Variants in LPIN1 observed in about 807,000 individuals in gnomAD.
LPIN1 encodes lipin 1.
A neutral mutation model predicts 107.5 loss-of-function variants in LPIN1; 71 were observed. That is an observed-to-expected ratio of 0.66 (90% CI 0.55 to 0.80). The LOEUF (loss-of-function observed/expected upper bound fraction) is 0.80. Ranked by LOEUF, LPIN1 falls within the 30% of genes least tolerant of loss-of-function variation. LPIN1 has a pLI of 0.00. For synonymous variants in LPIN1, 445 were observed against 452.6 expected (o/e 0.98, Z 0.21); for missense variants, 1,043 against 1,160.6 (o/e 0.90, Z 1.47).
rs148741595 is a variant in LPIN1, at chr2:11,826,724, G to T, written c.*1933G>T. 2.0e-4 allele frequency: 30 copies of T among 152,302 alleles called. No individual in the cohort carries two copies. Among genetic ancestry groups the T allele is most frequent in the African/African-American group, 7.0e-4 (29 of 41,550 alleles). 9.4% of individuals were successfully genotyped at this position (152,302 alleles called of 1,614,324 possible). ...CAGGAGGAACTTTGGCTGCGAGAATGGGGGGATGTATCCCTCATGCAGTTG... is the reference window on the plus strand; with the variant it reads ...CAGGAGGAACTTTGGCTGCGAGAATTGGGGGATGTATCCCTCATGCAGTTG... On this transcript the variant is annotated 3_prime_UTR_variant, in exon 21 of 21. Coordinates refer to ENST00000674199, the MANE Select transcript of LPIN1 (RefSeq NM_001349206.2).
chr2:11,825,927 CCTT>C lies in LPIN1; in HGVS notation c.*1140_*1142del, dbSNP rs1558328544. ...TTATTCTCTCTTTCTCATAGACTGA[CCTT>C]CTTTTGGAATTTCTGAGTCATTTAT... On this transcript the variant is annotated 3_prime_UTR_variant, in exon 21 of 21. Coordinates refer to ENST00000674199, the MANE Select transcript of LPIN1 (RefSeq NM_001349206.2). This position sits in a 1 kb window ranked among gnomAD's most constrained non-coding sequence, Gnocchi z 4.1. The C allele has an allele frequency of 1.3e-5, 2 of 152,162 alleles. No individual in the cohort carries two copies. The highest frequency in any genetic ancestry group is 4.8e-5 in the African/African-American group (2 of 41,442). 9.4% of individuals were successfully genotyped at this position (152,162 alleles called of 1,614,324 possible). A position where few individuals can be genotyped will look rare whatever the true frequency, so the allele number is the denominator to read the frequency against.
intron 1 of LPIN1, among the ~76,000 whole-genome samples, chr2:11,679,288 C>T (rs1233412548): frequency 3.9e-5 from 6 of 152,188 alleles, no homozygotes; most frequent in Admixed American, 2.0e-4. Flanking sequence ...GAACCCAGGC[C>T]TCCTGGGGCC....
At chr2:11,788,952 G>C (rs1345810458) in intron 12 of LPIN1, among the ~76,000 whole-genome samples, 1 of 152,208 alleles carries the variant, frequency 6.6e-6, no homozygotes, top group East Asian at 1.9e-4. Context: ...GTCTGCAGGG[G>C]AGAGTAGGTA....
intron 1 of LPIN1, chr2:11,682,515 C>T (rs1661773782): frequency 6.6e-6 from 1 of 152,474 alleles, no homozygotes. Flanking sequence ...GTTCAAATGC[C>T]TCCATCTCCA....
chr2:11,765,570 A>G lies in LPIN1; in HGVS notation c.29A>G (p.Gln10Arg). 1.2e-6 allele frequency: 2 copies of G among 1,614,048 alleles called. No individual in the cohort carries two copies. The highest frequency in any genetic ancestry group is 1.7e-6 in the Non-Finnish European group (2 of 1,179,940). Reference sequence around the variant, plus strand: ...AATTACGTGGGGCAGTTAGCCGGCCAGGTGTTTGTCACCGTGAAGGAGCTC... The same window carrying G: ...AATTACGTGGGGCAGTTAGCCGGCCGGGTGTTTGTCACCGTGAAGGAGCTC... MNYVGQLAG[Q>R]VFVTVKELYK... is the part of the protein sequence containing the mutation. Residue 10 changes from glutamine (Q) to arginine (R), a missense_variant, in exon 2 of 21, where the codon CAG (glutamine) becomes CGG (arginine). Gln to Arg is a conservative substitution (Grantham distance 43). Transcript: ENST00000674199. The surrounding 1 kb of genome is among the most constrained non-coding windows in gnomAD (Gnocchi z 4.4).
At chr2:11,783,163 A>G (rs1673860474) in intron 8 of LPIN1, among the ~76,000 whole-genome samples, 1 of 152,170 alleles carries the variant, frequency 6.6e-6, no homozygotes, top group South Asian at 2.1e-4. Context: ...TATATGGACC[A>G]ATTACATCAT....
intron 1 of LPIN1, among the ~76,000 whole-genome samples, chr2:11,693,822 ATTTTTTTTTTTTTT>A (rs34409476): frequency 1.6e-4 from 3 of 18,986 alleles, no homozygotes; most frequent in East Asian, 2.0e-3. Context: ...ATATATATAT[ATTTTTTTTTTTTTT>A]TTTTTTTTTT....
chr2:11,773,592 G>C (rs1672208442), intron 4 of LPIN1, 28 bp from the exon 5 acceptor site: 5 of 1,593,878 alleles, frequency 3.1e-6, no homozygotes, highest in Admixed American at 3.3e-5. Flanking sequence ...AGAATTCTTT[G>C]ACTTTAATCT....
At chr2:11,764,251 A>G (rs1164602727) in intron 1 of LPIN1, 1 of 151,866 alleles carries the variant, frequency 6.6e-6, no homozygotes, top group East Asian at 1.9e-4. Context: ...GGTTCAAGTG[A>G]TCTTCCCACC....
Position 11,819,536 on chromosome 2 carries a change from A to G in LPIN1, c.2455A>G (p.Ile819Val), listed in dbSNP as rs866651138. 13 of 1,614,054 alleles carry G rather than the reference A, an allele frequency of 8.1e-6. No homozygotes were observed. The African/African-American group carries it at 9.3e-5, about 12-fold the overall frequency. ...EKFKVQCLTD[I>V]KNLFFPNTEP... ...GTTTAAAGTCCAGTGTTTGACAGACATCAAAAACCTGTTTTTCCCCAACAC... is the reference window on the plus strand; with the variant it reads ...GTTTAAAGTCCAGTGTTTGACAGACGTCAAAAACCTGTTTTTCCCCAACAC... Residue 819 changes from isoleucine to valine, a missense_variant, in exon 19 of 21, where the codon ATC becomes GTC. Physicochemically the swap from Ile to Val is conservative, Grantham distance 29. Transcript: ENST00000674199.
chr2:11,761,013 C>T (rs888045291), intron 1 of LPIN1, among the ~76,000 whole-genome samples: 1 of 152,326 alleles, frequency 6.6e-6, no homozygotes, highest in East Asian at 1.9e-4. Flanking sequence ...GAGAGCCCCT[C>T]TTCACCAGCC....
At chr2:11,760,490 G>A (rs1034111837) in intron 1 of LPIN1, among the ~76,000 whole-genome samples, 3 of 152,386 alleles carry the variant, frequency 2.0e-5, no homozygotes, top group South Asian at 2.1e-4. Flanking sequence ...GACCAGCCCG[G>A]CCAACACAGT....
At chr2:11,794,205 A>G (rs984819363) in intron 13 of LPIN1, among the ~76,000 whole-genome samples, 1 of 152,210 alleles carries the variant, frequency 6.6e-6, no homozygotes, top group Non-Finnish European at 1.5e-5. Flanking sequence ...TAAAGCATGA[A>G]GGGCCTCTCT....
intron 17 of LPIN1, among the ~76,000 whole-genome samples, chr2:11,806,958 CT>C (rs1388703604): frequency 1.3e-5 from 2 of 152,090 alleles, no homozygotes; most frequent in Non-Finnish European, 2.9e-5. Flanking sequence ...CTTTTTGCTA[CT>C]GGGCAGAATC....
rs111555342 is a variant in LPIN1, at chr2:11,813,461, C to T, written c.2250-1627C>T. ...AAGGTCACACACAGGGCTGTCACTT[C>T]ACACTTGGAAGGTTGCACAGCGGCC... On this transcript the variant is annotated intron_variant, in intron 17 of 20. Coordinates refer to ENST00000674199, the MANE Select transcript of LPIN1 (RefSeq NM_001349206.2). Among the ~76,000 whole-genome samples the T allele has an allele frequency of 2.5e-3, 374 of 152,198 alleles. 2 individuals carry two copies. The highest frequency in any genetic ancestry group is 8.5e-3 in the African/African-American group (353 of 41,522).
chr2:11,784,456 A>G (rs1674139041), intron 9 of LPIN1: 1 of 1,092,124 alleles, frequency 9.2e-7, no homozygotes, highest in Non-Finnish European at 1.1e-6. Flanking sequence ...CCTCCCTGCA[A>G]AGCCTGAGGT....
intron 1 of LPIN1, among the ~76,000 whole-genome samples, chr2:11,678,697 G>A (rs1471870915): frequency 6.6e-6 from 1 of 152,218 alleles, no homozygotes; most frequent in Non-Finnish European, 1.5e-5. Context: ...GTCCTTCTGG[G>A]GCTGGTGTCC....
Position 11,771,779 on chromosome 2 carries a change from A to G in LPIN1, c.596+100A>G. On this transcript the variant is annotated intron_variant, in intron 4 of 20. Coordinates refer to ENST00000674199, the MANE Select transcript of LPIN1 (RefSeq NM_001349206.2). The surrounding 1 kb of genome is among the most constrained non-coding windows in gnomAD (Gnocchi z 4.8). Reference sequence around the variant, plus strand: ...TTCCCCCATAATTCCTTATTCTTTTATGTGTTTTAGACCAGTGGTCCCCAA... The same window carrying G: ...TTCCCCCATAATTCCTTATTCTTTTGTGTGTTTTAGACCAGTGGTCCCCAA... The G allele has an allele frequency of 1.5e-6, 2 of 1,316,040 alleles. No homozygotes were observed. The highest frequency in any genetic ancestry group is 2.1e-6 in the Non-Finnish European group (2 of 954,670). The allele number at this position is 1,316,040 out of a possible 1,614,324, so 81.5% of individuals were successfully genotyped here.
In LPIN1 at chr2:11,804,467, T is replaced by C. The variant is rs1434415309; in HGVS notation, c.2058T>C (p.Ser686=). 1.9e-6 allele frequency: 3 copies of C among 1,614,112 alleles called. No homozygotes were observed. The highest frequency in any genetic ancestry group is 1.7e-6 in the Non-Finnish European group (2 of 1,180,040). The change falls in exon 16 of 21, where the codon AGT becomes AGC. Residue 686 remains serine (S), a synonymous_variant. Coordinates refer to ENST00000674199, the MANE Select transcript of LPIN1 (RefSeq NM_001349206.2). ...ATGGCCCCAACGACGTGGTTTTCAG[T>C]GTCACCACGCAGTACCAAGGCACGT... ...LKNGPNDVVF[S]VTTQYQGTCR...
Sources: allele counts gnomAD v4.1 joint callset (sites outside exome capture counted in the v4.1 genomes callset), GRCh38; gene constraint gnomAD v4.1.1; non-coding constraint Gnocchi (gnomAD v3.1); transcripts MANE v1.5; gene names NCBI Gene and HGNC (gene_info 2026-07-23, HGNC 2026-07-21).